The following RNF125 variants were observed in gnomAD, a reference collection of about 807,000 sequenced individuals.
RNF125 encodes the protein ring finger protein 125.
A neutral mutation model predicts 26.0 loss-of-function variants in RNF125; 21 were observed. That is an observed-to-expected ratio of 0.81 (90% CI 0.57 to 1.16). The LOEUF is 1.16. Ranked by LOEUF, RNF125 falls within the 50% of genes most tolerant of loss-of-function variation. The pLI is 0.00. For synonymous variants in RNF125, 95 were observed against 109.2 expected (o/e 0.87, Z 0.81); for missense variants, 270 against 299.4 (o/e 0.90, Z 0.72).
chr18:32,047,069 G>A (rs1021172890), intron 4 of RNF125, among the ~76,000 whole-genome samples: 1 of 151,848 alleles, frequency 6.6e-6, no homozygotes, highest in Non-Finnish European at 1.5e-5. Context: ...TTTTAGACGT[G>A]CTGTGTCGCC....
chr18:32,034,709 T>C (rs891681534), intron 1 of RNF125, among the ~76,000 whole-genome samples: 6 of 151,486 alleles, frequency 4.0e-5, no homozygotes, highest in African/African-American at 1.5e-4. Context: ...GGTCAGGAGT[T>C]CAAGACCAGC....
At chr18:32,043,999 TTTTTC>T (rs556420277) in intron 3 of RNF125, among the ~76,000 whole-genome samples, 14 of 151,412 alleles carry the variant, frequency 9.2e-5, no homozygotes, top group African/African-American at 2.2e-4. Context: ...TGGGTTTTTT[TTTTTC>T]TTTTCTTTTC....
intron 1 of RNF125, among the ~76,000 whole-genome samples, chr18:32,030,444 G>C (rs2039082084): frequency 1.3e-5 from 2 of 152,222 alleles, no homozygotes; most frequent in South Asian, 4.1e-4. Flanking sequence ...TCAAGTATGA[G>C]CAGTAAAGCG....
At chr18:32,019,509 T>G (rs1411412933) in intron 1 of RNF125, among the ~76,000 whole-genome samples, 2 of 152,220 alleles carry the variant, frequency 1.3e-5, no homozygotes, top group African/African-American at 4.8e-5. Context: ...TTTGTTTTGC[T>G]GGAGCTGTGC....
chr18:32,045,718 G>A lies in RNF125; in HGVS notation c.490G>A (p.Glu164Lys). The change falls in exon 4 of 6, where the codon GAA (glutamate) becomes AAA (lysine). Residue 164 changes from glutamate (E) to lysine (K), a missense_variant. By Grantham distance (56) the Glu-to-Lys change is moderately conservative. Transcript: ENST00000217740. ...LDHCITHHRSERRPVFCPLCR... is the reference protein window; with the variant it reads ...LDHCITHHRSKRRPVFCPLCR... ...TCATTGTATTACTCATCACAGATCG[G>A]AACGGAGGCCTGTGGTAAGGATTTT... 1 of 1,611,980 alleles carries A rather than the reference G, an allele frequency of 6.2e-7. No individual in the cohort carries two copies. The highest frequency in any genetic ancestry group is 8.5e-7 in the Non-Finnish European group (1 of 1,178,960).
downstream of RNF125, among the ~76,000 whole-genome samples, chr18:32,077,334 ATTT>A (rs552701343): frequency 9.3e-6 from 1 of 107,864 alleles, no homozygotes. Flanking sequence ...CCCTCTCCCC[ATTT>A]TTTTTTTTTT....
In RNF125 at chr18:32,037,226, G is replaced by A. The variant is rs763626505; in HGVS notation, c.275G>A (p.Arg92Lys). 6.2e-7 allele frequency: 1 copy of A among 1,604,690 alleles called. No homozygotes were observed. Among genetic ancestry groups the A allele is most frequent in the Admixed American group, 1.7e-5 (1 of 57,630 alleles). Residue 92 changes from arginine to lysine, a missense_variant, in exon 2 of 6, where the codon AGA (arginine) becomes AAA (lysine). Transcript: ENST00000217740. ...EGVPATDVAK[R>K]MKSEYKNCAE... ...GTTCCAGCAACTGATGTAGCCAAAA[G>A]AATGAAATCAGAGTATAAGAACTGC...
chr18:32,061,918 G>C (rs2039438648), intron 4 of RNF125, among the ~76,000 whole-genome samples: 5 of 152,304 alleles, frequency 3.3e-5, no homozygotes, highest in Middle Eastern at 3.4e-3. Context: ...ATCAGCGAGA[G>C]GCTGAAATGA....
At position 32,051,163 on chromosome 18, in the gene RNF125, C is replaced by T. The variant is rs1336535627; in HGVS notation, c.504+5431C>T. ...CTCCCCTCTACTTTTCAGTATTTAC[C>T]ACAACTTATAATTGCATATTCATTT... On this transcript the variant is annotated intron_variant, in intron 4 of 5. Transcript: ENST00000217740. Among the ~76,000 whole-genome samples the T allele has an allele frequency of 5.9e-5, 9 of 151,936 alleles. No homozygotes were observed. The East Asian group carries it at 1.5e-3, about 26-fold the overall frequency.
chr18:32,087,544 A>T, the RNF125 span, among the ~76,000 whole-genome samples: 4 of 151,572 alleles, frequency 2.6e-5, no homozygotes, highest in African/African-American at 9.7e-5. Context: ...GCATGGGGAA[A>T]ACCCCCCACA....
intron 1 of RNF125, among the ~76,000 whole-genome samples, chr18:32,021,917 GTTCT>G (rs777643325): frequency 7.9e-5 from 12 of 152,120 alleles, no homozygotes; most frequent in Non-Finnish European, 1.5e-4. Context: ...TCTCTTTACT[GTTCT>G]TTGTTTTGAC....
In RNF125 at chr18:32,037,136, C is replaced by G; in HGVS notation, c.185C>G (p.Ala62Gly). ...GGTAGATTCTGCCGTTCCTGTATTG[C>G]TACCAGTCTAAAGAACAACAAGTGG... ...CGHVFCRSCI[A>G]TSLKNNKWTC... Residue 62 changes from alanine to glycine, a missense_variant, in exon 2 of 6, where the codon GCT (alanine) becomes GGT (glycine). Transcript: ENST00000217740. 1 of 1,604,452 alleles carries G rather than the reference C, an allele frequency of 6.2e-7. No homozygotes were observed.
Position 32,072,382 on chromosome 18 carries a change from G to T in RNF125, c.*3998G>T, listed in dbSNP as rs2039541265. 1 of 152,160 alleles carries T rather than the reference G, an allele frequency of 6.6e-6. No individual in the cohort carries two copies. The highest frequency in any genetic ancestry group is 6.5e-5 in the Admixed American group (1 of 15,270). 9.4% of individuals were successfully genotyped at this position (152,160 alleles called of 1,614,324 possible). ...GTGTTGACCATGCAGACAAACTTTT[G>T]TTAATTCAGAGCGATACAAAAGGCA... On this transcript the variant is annotated 3_prime_UTR_variant, in exon 6 of 6. Coordinates refer to ENST00000217740, the MANE Select transcript of RNF125 (RefSeq NM_017831.4).
In RNF125 at chr18:32,072,679, T is replaced by C. The variant is rs543249642; in HGVS notation, c.*4295T>C. ...TAAAAAGGTATTTATAATTCGTTGATAAAAACCAATATTTGAAGCTGTTGA... is the reference window on the plus strand; with the variant it reads ...TAAAAAGGTATTTATAATTCGTTGACAAAAACCAATATTTGAAGCTGTTGA... On this transcript the variant is annotated 3_prime_UTR_variant, in exon 6 of 6. Transcript: ENST00000217740. The C allele has an allele frequency of 1.2e-4, 18 of 152,362 alleles. No individual in the cohort carries two copies. Among genetic ancestry groups the C allele is most frequent in the African/African-American group, 4.1e-4 (17 of 41,580 alleles). 9.4% of individuals were successfully genotyped at this position (152,362 alleles called of 1,614,324 possible). A position where few individuals can be genotyped will look rare whatever the true frequency, so the allele number is the denominator to read the frequency against.
chr18:32,018,923 G>T lies in RNF125; in HGVS notation c.60G>T (p.Arg20=). Residue 20 remains arginine, a synonymous_variant, in exon 1 of 6, where the codon CGG becomes CGT. Coordinates refer to ENST00000217740, the MANE Select transcript of RNF125 (RefSeq NM_017831.4). ...GKSAPASATA[R]ALERRRDPEL... ...CGGCGCCCGCCTCTGCCACCGCGCG[G>T]GCCCTGGAGCGCAGGAGGGACCCGG... 1 of 1,611,340 alleles carries T rather than the reference G, an allele frequency of 6.2e-7. No individual in the cohort carries two copies. Among genetic ancestry groups the T allele is most frequent in the Non-Finnish European group, 8.5e-7 (1 of 1,178,928 alleles).
intron 2 of RNF125, among the ~76,000 whole-genome samples, chr18:32,039,260 A>G (rs564677030): frequency 2.3e-4 from 35 of 151,952 alleles, no homozygotes; most frequent in African/African-American, 8.4e-4. Flanking sequence ...GCTGGGGCAT[A>G]GTGGTATACG....
chr18:32,029,550 C>T (rs768542655), intron 1 of RNF125, among the ~76,000 whole-genome samples: 10 of 150,652 alleles, frequency 6.6e-5, no homozygotes, highest in African/African-American at 1.2e-4. Context: ...CACTTGAGCT[C>T]GGGAGGCTGC....
chr18:32,077,516 T>C (rs1278666553), downstream of RNF125, among the ~76,000 whole-genome samples: 1 of 150,184 alleles, frequency 6.7e-6, no homozygotes, highest in East Asian at 2.0e-4. Context: ...CATGTATCAC[T>C]ACGCTCAGCT....
chr18:32,028,326 TAA>T (rs2039058960), intron 1 of RNF125, among the ~76,000 whole-genome samples: 1 of 123,804 alleles, frequency 8.1e-6, no homozygotes, highest in Non-Finnish European at 1.7e-5. Context: ...AAAAAAAAAA[TAA>T]TAGGTAGTGG....
Sources: gnomAD v4.1 joint callset for allele counts (sites outside exome capture counted in the v4.1 genomes callset) on GRCh38, gnomAD v4.1.1 for gene constraint, MANE v1.5 for transcripts, NCBI Gene and HGNC (gene_info 2026-07-23, HGNC 2026-07-21) for gene names.